SCGB2B2: variants seen among roughly 807,000 people sequenced by gnomAD.
The protein encoded by SCGB2B2 is secretoglobin-like protein.
A neutral mutation model predicts 7.6 loss-of-function variants in SCGB2B2; 11 were observed. That is an observed-to-expected ratio of 1.45 (90% CI 0.91 to 2.40). SCGB2B2 has a LOEUF of 2.40. Among genes scored for constraint, SCGB2B2 ranks in the 30% most tolerant of loss-of-function variants. SCGB2B2 has a pLI of 0.00. For synonymous variants in SCGB2B2, 50 were observed against 48.6 expected (o/e 1.03, Z -0.12); for missense variants, 104 against 115.4 (o/e 0.90, Z 0.45).
At position 34,676,815 on chromosome 19, in the gene SCGB2B2, A is replaced by C. The variant is rs2067970340; in HGVS notation, c.-3217T>G. 6.6e-6 allele frequency: 1 copy of C among 152,224 alleles called. No individual in the cohort carries two copies. Among genetic ancestry groups the C allele is most frequent in the African/African-American group, 2.4e-5 (1 of 41,466 alleles). 9.4% of individuals were successfully genotyped at this position (152,224 alleles called of 1,614,324 possible). A position where few individuals can be genotyped will look rare whatever the true frequency, so the allele number is the denominator to read the frequency against. On this transcript the variant is annotated 5_prime_UTR_variant, in exon 1 of 4. Coordinates refer to ENST00000601241, the MANE Select transcript of SCGB2B2 (RefSeq NM_001025591.4). ...TTTAAGTGTTAAAAAGAAAGTAAACAACCCAAATATACACAAACAGTAGAC... is the reference window on the plus strand; with the variant it reads ...TTTAAGTGTTAAAAAGAAAGTAAACCACCCAAATATACACAAACAGTAGAC...
At chr19:34,604,344 C>T (rs567372197) in intron 1 of SCGB2B2, among the ~76,000 whole-genome samples, 2 of 152,132 alleles carry the variant, frequency 1.3e-5, no homozygotes, top group Admixed American at 1.3e-4. Context: ...ATGAGATTAC[C>T]TTTTCCTTAG....
intron 1 of SCGB2B2, among the ~76,000 whole-genome samples, chr19:34,601,559 T>A (rs904294367): frequency 7.2e-5 from 11 of 152,244 alleles, no homozygotes; most frequent in Admixed American, 1.3e-4. Flanking sequence ...TGTATTAATT[T>A]ATTTATTCCA....
intron 1 of SCGB2B2, among the ~76,000 whole-genome samples, chr19:34,642,257 G>A (rs972498419): frequency 6.6e-5 from 10 of 152,118 alleles, no homozygotes; most frequent in African/African-American, 2.4e-4. Context: ...AGTATCACTG[G>A]GGACTCCTGC....
intron 1 of SCGB2B2, among the ~76,000 whole-genome samples, chr19:34,670,281 T>C (rs1351142068): frequency 6.6e-6 from 1 of 152,150 alleles, no homozygotes; most frequent in Non-Finnish European, 1.5e-5. Flanking sequence ...TTACACCAAG[T>C]CGCAGAGTAA....
intron 1 of SCGB2B2, among the ~76,000 whole-genome samples, chr19:34,602,854 A>T (rs2065669452): frequency 2.0e-5 from 3 of 150,432 alleles, no homozygotes; most frequent in Non-Finnish European, 4.4e-5. Flanking sequence ...CATTCATTAA[A>T]CTCTCCTCAG....
At chr19:34,636,415 C>T (rs1437814831) in intron 1 of SCGB2B2, among the ~76,000 whole-genome samples, 10 of 152,158 alleles carry the variant, frequency 6.6e-5, no homozygotes, top group Non-Finnish European at 1.5e-5. Context: ...CTGCATCTCC[C>T]TCTCACTTCT....
chr19:34,615,286 T>C (rs2066040061), intron 1 of SCGB2B2, among the ~76,000 whole-genome samples: 1 of 152,172 alleles, frequency 6.6e-6, no homozygotes, highest in Non-Finnish European at 1.5e-5. Flanking sequence ...TCAGGCTTAG[T>C]GTCTAAAATA....
chr19:34,593,722 C>G (rs1423138446), intron 3 of SCGB2B2, 123 bp from the exon 4 acceptor site: 1 of 738,736 alleles, frequency 1.4e-6, no homozygotes, highest in Non-Finnish European at 2.3e-6. Flanking sequence ...GTTGGGGATC[C>G]CAGGCTCTGG....
intron 1 of SCGB2B2, among the ~76,000 whole-genome samples, chr19:34,619,414 G>C (rs1801874496): frequency 5.4e-5 from 2 of 36,716 alleles, no homozygotes; most frequent in East Asian, 5.1e-4. Context: ...TCTGGCTTTT[G>C]AATTTTTTTT....
At chr19:34,669,318 T>C (rs985882786) in intron 1 of SCGB2B2, among the ~76,000 whole-genome samples, 1 of 152,218 alleles carries the variant, frequency 6.6e-6, no homozygotes, top group Non-Finnish European at 1.5e-5. Context: ...TTCCAGGTAA[T>C]GTTCCTTGAA....
chr19:34,668,667 A>G (rs1461568631), intron 1 of SCGB2B2, among the ~76,000 whole-genome samples: 1 of 152,186 alleles, frequency 6.6e-6, no homozygotes, highest in African/African-American at 2.4e-5. Context: ...TAAATACACC[A>G]GTCAGCACCC....
chr19:34,601,181 A>C (rs2065613308), intron 1 of SCGB2B2, among the ~76,000 whole-genome samples: 1 of 152,158 alleles, frequency 6.6e-6, no homozygotes, highest in South Asian at 2.1e-4. Context: ...TCTTTGTCAA[A>C]AATCAAGTGC....
At chr19:34,619,863 T>G (rs1050329585) in intron 1 of SCGB2B2, among the ~76,000 whole-genome samples, 5 of 152,220 alleles carry the variant, frequency 3.3e-5, no homozygotes, top group African/African-American at 7.2e-5. Flanking sequence ...TAATGTCCCT[T>G]TTTTAGACCC....
intron 1 of SCGB2B2, among the ~76,000 whole-genome samples, chr19:34,653,224 A>G (rs2067205832): frequency 6.6e-6 from 1 of 151,166 alleles, no homozygotes; most frequent in South Asian, 2.1e-4. Context: ...AGGTGGGACT[A>G]TAGCCAAAAG....
At chr19:34,641,857 T>A (rs563336244) in intron 1 of SCGB2B2, among the ~76,000 whole-genome samples, 1 of 152,196 alleles carries the variant, frequency 6.6e-6, no homozygotes, top group African/African-American at 2.4e-5. Flanking sequence ...CTAGTCTAGA[T>A]CTAGGAAAGA....
At chr19:34,658,924 A>G (rs2067369392) in intron 1 of SCGB2B2, among the ~76,000 whole-genome samples, 2 of 152,048 alleles carry the variant, frequency 1.3e-5, no homozygotes, top group African/African-American at 4.8e-5. Context: ...GCAGCACATC[A>G]AAAAAGCTTA....
chr19:34,592,045 C>T lies in SCGB2B2; in HGVS notation c.*1510G>A, dbSNP rs1278406385. On this transcript the variant is annotated 3_prime_UTR_variant, in exon 4 of 4. Coordinates refer to ENST00000601241, the MANE Select transcript of SCGB2B2 (RefSeq NM_001025591.4). ...CCCTGGCTGAGTGGATGGGTGATGA[C>T]TGGGATGGAAAGTGCATTAAATGAG... 6.6e-6 allele frequency among the ~76,000 whole-genome samples: 1 copy of T among 152,066 alleles called. No homozygotes were observed. The highest frequency in any genetic ancestry group is 1.9e-4 in the East Asian group (1 of 5,184).
At chr19:34,644,680 T>G (rs2146031419) in intron 1 of SCGB2B2, among the ~76,000 whole-genome samples, 1 of 152,338 alleles carries the variant, frequency 6.6e-6, no homozygotes. Flanking sequence ...CTTCGTTTTA[T>G]TTCTTAAGTG....
intron 1 of SCGB2B2, among the ~76,000 whole-genome samples, chr19:34,653,600 C>T (rs1022789173): frequency 6.6e-6 from 1 of 151,186 alleles, no homozygotes; most frequent in Non-Finnish European, 1.5e-5. Context: ...GTTCAACACA[C>T]ATTAACAGAA....
Sources: allele counts gnomAD v4.1 joint callset (sites outside exome capture counted in the v4.1 genomes callset), GRCh38; gene constraint gnomAD v4.1.1; transcripts MANE v1.5; gene names NCBI Gene and HGNC (gene_info 2026-07-23, HGNC 2026-07-21).